The following SLU7 variants were observed in gnomAD, a reference collection of about 807,000 sequenced individuals.
The protein encoded by SLU7 is spliceosome associated SLU7.
SLU7 carries 60 observed loss-of-function variants against 87.0 expected under a neutral mutation model. The ratio of observed to expected loss-of-function variants is 0.69; its 90% confidence interval spans 0.56 to 0.86. The LOEUF (loss-of-function observed/expected upper bound fraction) is 0.86. SLU7 is among the 40% of genes least tolerant of loss of function. The pLI, the probability that SLU7 is intolerant of heterozygous loss-of-function variation, is 0.00. For missense variants in SLU7, 507 were observed against 686.6 expected, an observed-to-expected ratio of 0.74 and a Z score of 2.92; for synonymous variants, 197 against 222.0, an observed-to-expected ratio of 0.89 and a Z score of 1.00.
intron 6 of SLU7, among the ~76,000 whole-genome samples, chr5:160,411,537 C>T (rs1276871844): frequency 2.0e-5 from 3 of 152,172 alleles, no homozygotes; most frequent in South Asian, 4.1e-4. Context: ...ATTTTAAACA[C>T]CTATCTGGTA....
intron 3 of SLU7, 135 bp downstream of exon 3, chr5:160,414,184 T>C: frequency 2.6e-6 from 2 of 765,438 alleles, no homozygotes; most frequent in Non-Finnish European, 2.1e-6. Flanking sequence ...AAAATAGTAA[T>C]GCACTGTGAA....
At chr5:160,405,402 G>A (rs1271081418) in intron 12 of SLU7, among the ~76,000 whole-genome samples, 1 of 152,152 alleles carries the variant, frequency 6.6e-6, no homozygotes, top group Non-Finnish European at 1.5e-5. Flanking sequence ...CGTAGGAGTG[G>A]GAAATTCTGG....
intron 3 of SLU7, 153 bp from the exon 4 acceptor site, chr5:160,414,132 A>G: frequency 1.4e-6 from 1 of 689,870 alleles, no homozygotes; most frequent in South Asian, 2.6e-5. Context: ...TGAAACTTTA[A>G]AGAGTTCAGG....
intron 5 of SLU7, 39 bp downstream of exon 5, chr5:160,413,417 T>C (rs1393949391): frequency 6.3e-7 from 1 of 1,593,824 alleles, no homozygotes; most frequent in Non-Finnish European, 8.6e-7. Flanking sequence ...AAAAGGACGA[T>C]TCTTTAAAAA....
In SLU7 at chr5:160,414,378, G is replaced by T. The variant is rs1765367500; in HGVS notation, c.265C>A (p.Pro89Thr). The change falls in exon 3 of 16, where the codon CCA becomes ACA. Residue 89 changes from proline to threonine, a missense_variant. Around this residue, in one of 6 missense-constraint regions of SLU7, gnomAD observed 26 missense variants for 78.9 expected, o/e 0.33. Coordinates refer to ENST00000297151, the MANE Select transcript of SLU7 (RefSeq NM_006425.5). ...GAGCTGAACTGCTTTTGTTTTTCTG[G>T]TTGTGGTCTCTGGTGTTTTAAAGTA... ...RPTLKHQRPQ[P>T]EKQKQFSSSG... is the part of the protein sequence containing the mutation. 1 of 1,611,450 alleles carries T rather than the reference G, an allele frequency of 6.2e-7. No homozygotes were observed. Among genetic ancestry groups the T allele is most frequent in the Non-Finnish European group, 8.5e-7 (1 of 1,178,648 alleles).
chr5:160,404,748 G>A (rs1325244540), intron 14 of SLU7, 61 bp downstream of exon 14: 4 of 1,161,374 alleles, frequency 3.4e-6, no homozygotes, highest in Middle Eastern at 3.9e-4. Flanking sequence ...AAACTCAGGT[G>A]CAGGTTTTAA....
Position 160,414,301 on chromosome 5 carries a change from T to C in SLU7, c.324+18A>G, listed in dbSNP as rs1222227679. 5.1e-6 allele frequency: 8 copies of C among 1,574,288 alleles called. No individual in the cohort carries two copies. The highest frequency in any genetic ancestry group is 1.9e-5 in the Admixed American group (1 of 52,006). ...AACTCTCCATATCCATGAAGATGTA[T>C]ACAGGTTGCCTACATACCTCTTTTA... On this transcript the variant is annotated intron_variant, in intron 3 of 15. Coordinates refer to ENST00000297151, the MANE Select transcript of SLU7 (RefSeq NM_006425.5).
chr5:160,408,832 AT>A (rs374330439), intron 6 of SLU7, 135 bp from the exon 7 acceptor site: 1 of 75,156 alleles, frequency 1.3e-5, no homozygotes, highest in Non-Finnish European at 3.0e-5. Context: ...TTTATTATAT[AT>A]TATATTTATA....
intron 12 of SLU7, chr5:160,406,247 A>G (rs558682218): frequency 7.9e-6 from 3 of 382,136 alleles, no homozygotes; most frequent in Non-Finnish European, 1.4e-5. Flanking sequence ...ATATAAGGCA[A>G]TATGTTAAAA....
chr5:160,406,787 T>A (rs1317639285), intron 11 of SLU7, among the ~76,000 whole-genome samples, 158 bp from the exon 12 acceptor site: 1 of 152,242 alleles, frequency 6.6e-6, no homozygotes, highest in African/African-American at 2.4e-5. Flanking sequence ...AAATTTTTTC[T>A]GAGGCAAATA....
In SLU7 at chr5:160,406,503, T is replaced by TA. The variant is rs1765020193; in HGVS notation, c.1251dup (p.Lys418Ter). ...TGGATCTTCACATCCTCCTCATACTTAGAGCAGGCAACAGCCCGCTCCTGT... is the reference window on the plus strand; with the variant it reads ...TGGATCTTCACATCCTCCTCATACTTAAGAGCAGGCAACAGCCCGCTCCTGT... On this transcript the variant is annotated frameshift_variant, in exon 12 of 16. Transcript: ENST00000297151. LOFTEE classifies it high-confidence loss of function. 6.2e-7 allele frequency: 1 copy of TA among 1,613,192 alleles called. No homozygotes were observed. Among genetic ancestry groups the TA allele is most frequent in the Non-Finnish European group, 8.5e-7 (1 of 1,179,684 alleles).
intron 2 of SLU7, among the ~76,000 whole-genome samples, chr5:160,414,854 C>T (rs944460829): frequency 6.6e-6 from 1 of 151,980 alleles, no homozygotes; most frequent in Non-Finnish European, 1.5e-5. Flanking sequence ...ACGGTAACAA[C>T]CAGAAAAACT....
Position 160,413,914 on chromosome 5 carries a change from CT to C in SLU7, c.389del (p.Lys130ArgfsTer20). On this transcript the variant is annotated frameshift_variant, in exon 4 of 16. Transcript: ENST00000297151. LOFTEE classifies it high-confidence loss of function. ...GTGAACTTACCTCAAAGCAGTCTTT[CT>C]TTTTGTGTGTCATGGCCCCACAATT... ...CENCGAMTHKKKDCFERPRRV... is the reference protein window; with the variant it reads ...CENCGAMTHKXKDCFERPRRV... The C allele has an allele frequency of 6.3e-7, 1 of 1,596,956 alleles. No individual in the cohort carries two copies. Among genetic ancestry groups the C allele is most frequent in the Non-Finnish European group, 8.5e-7 (1 of 1,174,044 alleles).
rs1764793498 is a variant in SLU7, at chr5:160,401,792, C to T, written c.*1493G>A. On this transcript the variant is annotated 3_prime_UTR_variant, in exon 16 of 16. Coordinates refer to ENST00000297151, the MANE Select transcript of SLU7 (RefSeq NM_006425.5). ...AGTAAATAGGAATTAAATCTATTTG[C>T]ATTGCTGTTTAATTTCATACCAATC... 1 of 152,140 alleles carries T rather than the reference C, an allele frequency of 6.6e-6. No homozygotes were observed. The highest frequency in any genetic ancestry group is 2.4e-5 in the African/African-American group (1 of 41,422). 9.4% of individuals were successfully genotyped at this position (152,140 alleles called of 1,614,324 possible). A position where few individuals can be genotyped will look rare whatever the true frequency, so the allele number is the denominator to read the frequency against.
rs1045076618 is a variant in SLU7 at position 160,419,030 on chromosome 5, C to T, written c.-24G>A. The T allele has an allele frequency of 1.3e-5, 2 of 152,422 alleles. No individual in the cohort carries two copies. Among genetic ancestry groups the T allele is most frequent in the East Asian group, 3.9e-4 (2 of 5,184 alleles). The allele number at this position is 152,422 out of a possible 1,614,324, so 9.4% of individuals were successfully genotyped here. A position where few individuals can be genotyped will look rare whatever the true frequency, so the allele number is the denominator to read the frequency against. ...CTAACAATATTTTCTTACCCAGCCC[C>T]GCCGCAGCTAGCCCCAAGTCCATCC... On this transcript the variant is annotated 5_prime_UTR_variant, in exon 1 of 16. Transcript: ENST00000297151.
intron 3 of SLU7, 151 bp downstream of exon 3, chr5:160,414,168 A>G (rs1765358841): frequency 1.3e-6 from 1 of 743,886 alleles, no homozygotes; most frequent in Non-Finnish European, 2.1e-6. Context: ...TAAGAAACAC[A>G]AAGATAAAAT....
intron 3 of SLU7, 155 bp from the exon 4 acceptor site, chr5:160,414,134 G>C (rs1765357263): frequency 1.5e-6 from 1 of 656,818 alleles, no homozygotes; most frequent in East Asian, 3.0e-5. Flanking sequence ...AAACTTTAAA[G>C]AGTTCAGGAG....
Position 160,407,416 on chromosome 5 carries a change from T to G in SLU7, c.1125+60A>C. 6.8e-7 allele frequency: 1 copy of G among 1,471,818 alleles called. No homozygotes were observed. Among genetic ancestry groups the G allele is most frequent in the East Asian group, 2.3e-5 (1 of 44,162 alleles). The allele number at this position is 1,471,818 out of a possible 1,614,324, so 91.2% of individuals were successfully genotyped here. A position where few individuals can be genotyped will look rare whatever the true frequency, so the allele number is the denominator to read the frequency against. On this transcript the variant is annotated intron_variant, in intron 11 of 15. Coordinates refer to ENST00000297151, the MANE Select transcript of SLU7 (RefSeq NM_006425.5). The surrounding 1 kb of genome is among the most constrained non-coding windows in gnomAD (Gnocchi z 4.2). ...TATTTTCCAAATGTAAAACTAACGC[T>G]TATTAACTAGTAACTTCTCTTTAAC...
intron 5 of SLU7, among the ~76,000 whole-genome samples, chr5:160,412,762 A>C (rs925084667): frequency 2.8e-4 from 43 of 152,248 alleles, no homozygotes; most frequent in African/African-American, 9.6e-4. Flanking sequence ...AACTGAGCCA[A>C]ATGGCATCAG....
Sources: allele counts gnomAD v4.1 joint callset (sites outside exome capture counted in the v4.1 genomes callset), GRCh38; gene constraint gnomAD v4.1.1; regional missense constraint gnomAD v4.1.1; non-coding constraint Gnocchi (gnomAD v3.1); transcripts MANE v1.5; gene names NCBI Gene and HGNC (gene_info 2026-07-23, HGNC 2026-07-21).